FER1L6: variants seen among roughly 807,000 people sequenced by gnomAD.
FER1L6 encodes the protein fer-1-like protein 6.
A neutral mutation model predicts 219.2 loss-of-function variants in FER1L6; 177 were observed. The ratio of observed to expected loss-of-function variants is 0.81; its 90% CI spans 0.71 to 0.91. FER1L6 has a LOEUF of 0.91. FER1L6 is among the 40% of genes least tolerant of loss of function. The pLI, the probability that FER1L6 is intolerant of heterozygous loss-of-function variation, is 0.00. For synonymous variants in FER1L6, 768 were observed against 824.3 expected, an observed-to-expected ratio of 0.93 and a Z score of 1.17; for missense variants, 2,153 against 2,259.9, an observed-to-expected ratio of 0.95 and a Z score of 0.96.
chr8:123,890,593 A>C lies in FER1L6; in HGVS notation c.-8+38408A>C, dbSNP rs189013911. ...AGCTACCTTTGTCAAGCCTGCAAAA[A>C]TTGATAGAGCACACTAGCCATTAAA... On this transcript the variant is annotated intron_variant, in intron 1 of 40. Coordinates refer to ENST00000522917, the MANE Select transcript of FER1L6 (RefSeq NM_001039112.2). Among the ~76,000 whole-genome samples, 3 of 149,150 alleles carry C rather than the reference A, an allele frequency of 2.0e-5. No individual in the cohort carries two copies. The East Asian group carries it at 5.9e-4, about 29-fold the overall frequency.
At chr8:124,096,417 T>C (rs1822292962) in intron 35 of FER1L6, among the ~76,000 whole-genome samples, 1 of 152,212 alleles carries the variant, frequency 6.6e-6, no homozygotes, top group Non-Finnish European at 1.5e-5. Context: ...CTTCATGCTC[T>C]AGTGGAGTCC....
At chr8:123,969,867 CAAAAAAA>C (rs369712009) in intron 5 of FER1L6, among the ~76,000 whole-genome samples, 161 bp from the exon 6 acceptor site, 3 of 71,998 alleles carry the variant, frequency 4.2e-5, no homozygotes, top group Non-Finnish European at 2.8e-5. Flanking sequence ...ACCCTGTCTC[CAAAAAAA>C]AAAAAAAAAA....
intron 2 of FER1L6, among the ~76,000 whole-genome samples, chr8:123,962,304 T>C (rs911335343): frequency 1.3e-5 from 2 of 152,142 alleles, no homozygotes; most frequent in Admixed American, 1.3e-4. Context: ...TGTCTGTCAG[T>C]GGTGGGCAAG....
At chr8:123,991,677 C>T (rs1816857876) in intron 12 of FER1L6, among the ~76,000 whole-genome samples, 1 of 152,004 alleles carries the variant, frequency 6.6e-6, no homozygotes, top group African/African-American at 2.4e-5. Flanking sequence ...TTTGAATGTC[C>T]TTTATTTCTT....
chr8:124,037,925 A>G (rs7841692), intron 19 of FER1L6, among the ~76,000 whole-genome samples: 130,269 of 152,034 alleles, frequency 0.86, 56,013 homozygotes, highest in African/African-American at 0.9. Context: ...GCCTAGAGGG[A>G]GCAGTGTTGT....
rs1003730987 is a variant in FER1L6, at chr8:123,853,665, T to G, written c.-8+1480T>G. ...ACGGGCAAGCGTGGAGTAACATATT[T>G]TGAGAGAACCTATCCAAGTTGCACG... On this transcript the variant is annotated intron_variant, in intron 1 of 40. Transcript: ENST00000522917. The surrounding 1 kb of genome is among the most constrained non-coding windows in gnomAD (Gnocchi z 6.6). Among the ~76,000 whole-genome samples the G allele has an allele frequency of 1.3e-5, 2 of 152,106 alleles. No homozygotes were observed. Among genetic ancestry groups the G allele is most frequent in the African/African-American group, 4.8e-5 (2 of 41,414 alleles).
In FER1L6 at chr8:123,963,341, A is replaced by T. The variant is rs1406130647; in HGVS notation, c.140A>T (p.Asp47Val). The T allele has an allele frequency of 1.2e-6, 2 of 1,614,104 alleles. No homozygotes were observed. The highest frequency in any genetic ancestry group is 2.2e-5 in the East Asian group (1 of 44,880). The change falls in exon 3 of 41, where the codon GAT becomes GTT. Residue 47 changes from aspartate (D) to valine (V), a missense_variant. Physicochemically the swap from Asp to Val is radical, Grantham distance 152. Transcript: ENST00000522917. ...EPSHQEGPRG[D>V]LVHDDASIFP... ...TCTCACCAGGAAGGACCGAGAGGAGATTTGGTCCATGATGATGCTTCTATC... is the reference window on the plus strand; with the variant it reads ...TCTCACCAGGAAGGACCGAGAGGAGTTTTGGTCCATGATGATGCTTCTATC...
rs181018325 is a variant in FER1L6 at position 123,975,375 on chromosome 8, C to T, written c.683+69C>T. ...CAATTTTAATCTCTTTCCCCTCCCT[C>T]ACCACTTTTCTTATGGGTACATGAG... is the stretch of plus-strand genomic sequence containing the variant. On this transcript the variant is annotated intron_variant, in intron 8 of 40. Transcript: ENST00000522917. 1.7e-3 allele frequency: 2,483 copies of T among 1,422,370 alleles called. 6 individuals are homozygous for T. Among genetic ancestry groups the T allele is most frequent in the Non-Finnish European group, 1.7e-3 (1,734 of 1,047,858 alleles). The allele number at this position is 1,422,370 out of a possible 1,614,324, so 88.1% of individuals were successfully genotyped here. A position where few individuals can be genotyped will look rare whatever the true frequency, so the allele number is the denominator to read the frequency against.
At chr8:123,966,130 A>T in intron 4 of FER1L6, 29 bp from the exon 5 acceptor site, 1 of 1,613,884 alleles carries the variant, frequency 6.2e-7, no homozygotes, top group African/African-American at 1.3e-5. Flanking sequence ...CGGTGTCCGG[A>T]ATGGTGTCCA....
At chr8:124,039,765 G>A in intron 19 of FER1L6, 117 bp from the exon 20 acceptor site, 2 of 1,302,948 alleles carry the variant, frequency 1.5e-6, no homozygotes, top group South Asian at 2.7e-5. Context: ...TGTGGCTGGT[G>A]GTCTCCTTTT....
chr8:123,898,070 A>G (rs1812775687), intron 1 of FER1L6, among the ~76,000 whole-genome samples: 1 of 152,148 alleles, frequency 6.6e-6, no homozygotes, highest in Admixed American at 6.6e-5. Context: ...AATAAAATGT[A>G]ATTGTATTCA....
At chr8:124,088,884 A>G (rs1261141297) in intron 33 of FER1L6, among the ~76,000 whole-genome samples, 1 of 151,744 alleles carries the variant, frequency 6.6e-6, no homozygotes, top group Non-Finnish European at 1.5e-5. Context: ...GCAAGACAAA[A>G]TCCTCTTTGC....
chr8:123,907,218 T>A (rs1011536469), intron 1 of FER1L6, among the ~76,000 whole-genome samples: 2 of 152,198 alleles, frequency 1.3e-5, no homozygotes, highest in Non-Finnish European at 2.9e-5. Context: ...CCTATCATAA[T>A]AATCAGGCAC....
intron 1 of FER1L6, among the ~76,000 whole-genome samples, chr8:123,954,934 G>C (rs1814948070): frequency 6.6e-6 from 1 of 152,124 alleles, no homozygotes; most frequent in Non-Finnish European, 1.5e-5. Flanking sequence ...CTCCAGGGCT[G>C]GCCAGGCTGC....
At chr8:123,960,675 G>C (rs1815230650) in intron 2 of FER1L6, among the ~76,000 whole-genome samples, 2 of 151,918 alleles carry the variant, frequency 1.3e-5, no homozygotes, top group South Asian at 4.2e-4. Context: ...GGCAGCATCT[G>C]TCTAATCTCT....
At chr8:123,983,379 T>C (rs1816408749) in intron 11 of FER1L6, among the ~76,000 whole-genome samples, 1 of 152,180 alleles carries the variant, frequency 6.6e-6, no homozygotes, top group African/African-American at 2.4e-5. Flanking sequence ...ATTTTTAAAA[T>C]TCTGTGAACA....
chr8:123,867,375 G>T (rs1036926539), intron 1 of FER1L6, among the ~76,000 whole-genome samples: 1 of 152,098 alleles, frequency 6.6e-6, no homozygotes, highest in South Asian at 2.1e-4. Flanking sequence ...GTCCAAGGTG[G>T]GAAACATGGT....
intron 1 of FER1L6, among the ~76,000 whole-genome samples, chr8:123,894,157 G>A (rs1394349965): frequency 6.6e-6 from 1 of 152,108 alleles, no homozygotes; most frequent in African/African-American, 2.4e-5. Context: ...GAGATACCAG[G>A]CCTCTCAAAA....
chr8:124,094,183 C>T (rs562013878), intron 34 of FER1L6, among the ~76,000 whole-genome samples: 34 of 152,202 alleles, frequency 2.2e-4, no homozygotes, highest in African/African-American at 7.9e-4. Flanking sequence ...CATCTCACCA[C>T]CTCACTTAGG....
Sources: allele counts gnomAD v4.1 joint callset (sites outside exome capture counted in the v4.1 genomes callset), GRCh38; gene constraint gnomAD v4.1.1; non-coding constraint Gnocchi (gnomAD v3.1); transcripts MANE v1.5; gene names NCBI Gene and HGNC (gene_info 2026-07-23, HGNC 2026-07-21).